ZFAND6: variants seen among roughly 807,000 people sequenced by gnomAD.
ZFAND6 encodes the protein AN1-type zinc finger protein 6.
ZFAND6 carries 12 observed loss-of-function variants against 24.5 expected under a neutral mutation model. The ratio of observed to expected loss-of-function variants is 0.49; its 90% CI spans 0.31 to 0.79. The LOEUF (loss-of-function observed/expected upper bound fraction) is 0.79. Ranked by LOEUF, ZFAND6 falls within the 30% of genes least tolerant of loss-of-function variation. ZFAND6 has a pLI of 0.04. For missense variants in ZFAND6, 207 were observed against 245.9 expected (o/e 0.84, Z 1.06); for synonymous variants, 92 against 81.5 (o/e 1.13, Z -0.69).
intron 1 of ZFAND6, among the ~76,000 whole-genome samples, chr15:80,069,623 G>GTTATTTATTTAT (rs59745016): frequency 6.6e-6 from 1 of 151,264 alleles, no homozygotes; most frequent in African/African-American, 2.4e-5. Context: ...TTTATTTTTT[G>GTTATTTATTTAT]TTATTTATTT....
At chr15:80,078,089 C>T (rs2037401146) in intron 1 of ZFAND6, among the ~76,000 whole-genome samples, 1 of 152,090 alleles carries the variant, frequency 6.6e-6, no homozygotes, top group South Asian at 2.1e-4. Flanking sequence ...TTCAGGGGTA[C>T]ATGTGTAGGT....
chr15:80,122,918 GA>G (rs2040210756), intron 5 of ZFAND6, 118 bp downstream of exon 5: 1 of 600,758 alleles, frequency 1.7e-6, no homozygotes, highest in South Asian at 2.8e-5. Context: ...TTTTCCCTAT[GA>G]ACACAATACT....
chr15:80,081,681 G>A (rs563003337), intron 1 of ZFAND6, among the ~76,000 whole-genome samples: 144 of 152,336 alleles, frequency 9.5e-4, no homozygotes, highest in African/African-American at 3.3e-3. Flanking sequence ...GATTGGCTGA[G>A]ACTTGGCTAC....
chr15:80,089,263 T>TG (rs1329213524), intron 1 of ZFAND6, among the ~76,000 whole-genome samples: 2 of 131,590 alleles, frequency 1.5e-5, no homozygotes, highest in Admixed American at 1.5e-4. Context: ...GTGTGTGTTT[T>TG]TTTTTTTTTT....
rs201900881 is a variant in ZFAND6 at position 80,077,290 on chromosome 15, AT to A, written c.-181+17485del. Among the ~76,000 whole-genome samples the A allele has an allele frequency of 0.02, 3,121 of 152,332 alleles. 227 individuals carry two copies. In the East Asian group the frequency reaches 0.22, roughly 11 times the overall value. On this transcript the variant is annotated intron_variant, in intron 1 of 6. Coordinates refer to ENST00000261749, the MANE Select transcript of ZFAND6 (RefSeq NM_019006.4). ...ATAGGGTAGAGAGGCTACATAGATT[AT>A]TTTGCATCAAATATTCTATCATCAA...
chr15:80,073,598 C>T (rs535639825), intron 1 of ZFAND6, among the ~76,000 whole-genome samples: 144 of 151,952 alleles, frequency 9.5e-4, no homozygotes, highest in African/African-American at 3.3e-3. Context: ...TGCTTTTCTG[C>T]TATATCTGTT....
At chr15:80,101,699 AC>A (rs2039041605) in intron 2 of ZFAND6, among the ~76,000 whole-genome samples, 1 of 151,802 alleles carries the variant, frequency 6.6e-6, no homozygotes, top group Non-Finnish European at 1.5e-5. Flanking sequence ...ATCAGATATA[AC>A]TCCACCAAGA....
At chr15:80,104,723 T>C (rs915819099) in intron 2 of ZFAND6, among the ~76,000 whole-genome samples, 1 of 152,240 alleles carries the variant, frequency 6.6e-6, no homozygotes, top group African/African-American at 2.4e-5. Context: ...AGTCATATTC[T>C]TCTTTGCATT....
In ZFAND6 at chr15:80,109,572, G is replaced by A. The variant is rs565070934; in HGVS notation, c.-17-10756G>A. ...TACCCAGCAACGTGTATGGTAGGAAGGGGAGTAAAAGAGGAAGTCATGTAA... is the reference window on the plus strand; with the variant it reads ...TACCCAGCAACGTGTATGGTAGGAAAGGGAGTAAAAGAGGAAGTCATGTAA... On this transcript the variant is annotated intron_variant, in intron 2 of 6. Coordinates refer to ENST00000261749, the MANE Select transcript of ZFAND6 (RefSeq NM_019006.4). Among the ~76,000 whole-genome samples the A allele has an allele frequency of 2.0e-5, 3 of 152,306 alleles. No homozygotes were observed. In the South Asian group the frequency reaches 6.2e-4, roughly 32 times the overall value.
At chr15:80,108,625 G>C (rs1473500925) in intron 2 of ZFAND6, among the ~76,000 whole-genome samples, 2 of 152,160 alleles carry the variant, frequency 1.3e-5, no homozygotes, top group Non-Finnish European at 2.9e-5. Flanking sequence ...TAGAATTACT[G>C]TTTGGTATGC....
chr15:80,066,211 C>A (rs1172369496), intron 1 of ZFAND6, among the ~76,000 whole-genome samples: 1 of 151,718 alleles, frequency 6.6e-6, no homozygotes. Context: ...ATAGAAGGTG[C>A]TAATTGGATG....
At chr15:80,089,876 T>C (rs972185389) in intron 1 of ZFAND6, among the ~76,000 whole-genome samples, 4 of 152,238 alleles carry the variant, frequency 2.6e-5, no homozygotes, top group African/African-American at 9.6e-5. Context: ...AGTATCAGTC[T>C]ACTTGTGACT....
chr15:80,112,629 C>T (rs2039667437), intron 2 of ZFAND6: 1 of 373,304 alleles, frequency 2.7e-6, no homozygotes, highest in Non-Finnish European at 5.3e-6. Flanking sequence ...AACTCCTGAC[C>T]TTGGGAGCTG....
chr15:80,068,388 T>C (rs2036781218), intron 1 of ZFAND6, among the ~76,000 whole-genome samples: 1 of 151,418 alleles, frequency 6.6e-6, no homozygotes, highest in East Asian at 2.0e-4. Context: ...AACTTTTTTT[T>C]TGAGATGGAG....
chr15:80,130,519 C>T (rs963699481), intron 5 of ZFAND6: 2 of 152,132 alleles, frequency 1.3e-5, no homozygotes, highest in Admixed American at 6.5e-5. Context: ...TTCATGAGGG[C>T]TAGAGTAGTT....
At position 80,137,687 on chromosome 15, in the gene ZFAND6, T is replaced by A. The variant is rs968528815; in HGVS notation, c.*59T>A. On this transcript the variant is annotated 3_prime_UTR_variant, in exon 7 of 7. Transcript: ENST00000261749. ...GCAAACTAAAAATTGACTTGAGGTT[T>A]TTTTTTTCCTAGTCATTGGGAATGT... The A allele has an allele frequency of 5.6e-5, 84 of 1,491,784 alleles. No individual in the cohort carries two copies. The highest frequency in any genetic ancestry group is 7.2e-5 in the African/African-American group (5 of 69,882). The allele number at this position is 1,491,784 out of a possible 1,614,324, so 92.4% of individuals were successfully genotyped here. A position where few individuals can be genotyped will look rare whatever the true frequency, so the allele number is the denominator to read the frequency against.
intron 1 of ZFAND6, among the ~76,000 whole-genome samples, chr15:80,070,067 G>A (rs2036888598): frequency 6.6e-6 from 1 of 152,150 alleles, no homozygotes; most frequent in African/African-American, 2.4e-5. Context: ...TTCTTTTGTA[G>A]GAAGAGCAGT....
At chr15:80,081,515 G>A (rs1817438010) in intron 1 of ZFAND6, among the ~76,000 whole-genome samples, 1 of 152,000 alleles carries the variant, frequency 6.6e-6, no homozygotes, top group Non-Finnish European at 1.5e-5. Flanking sequence ...CATATTGTCA[G>A]ATAACATTTA....
At chr15:80,112,355 T>G (rs1442680782) in intron 2 of ZFAND6, among the ~76,000 whole-genome samples, 1 of 152,146 alleles carries the variant, frequency 6.6e-6, no homozygotes, top group Non-Finnish European at 1.5e-5. Context: ...TCATCCCAAG[T>G]GTTTTGTATC....
Sources: allele counts gnomAD v4.1 joint callset (sites outside exome capture counted in the v4.1 genomes callset), GRCh38; gene constraint gnomAD v4.1.1; transcripts MANE v1.5; gene names NCBI Gene and HGNC (gene_info 2026-07-23, HGNC 2026-07-21).